SIK3: variants seen among roughly 807,000 people sequenced by gnomAD.
SIK3 encodes serine/threonine-protein kinase SIK3.
SIK3 carries 28 observed loss-of-function variants against 144.2 expected under a neutral mutation model. That is an observed-to-expected ratio of 0.19 (90% CI 0.14 to 0.27). The LOEUF (loss-of-function observed/expected upper bound fraction) is 0.27, where lower values mean the gene tolerates loss of function less well. Among genes scored for constraint, SIK3 ranks in the 10% least tolerant of loss-of-function variants. The probability of loss-of-function intolerance (pLI) is 1.00; values close to 1 mark genes in which losing one functional copy is unlikely to be tolerated. For synonymous variants in SIK3, 686 were observed against 676.3 expected (o/e 1.01, Z -0.22); for missense variants, 1,319 against 1,776.0 (o/e 0.74, Z 4.62).
chr11:116,933,400 A>G (rs1947732447), intron 3 of SIK3, among the ~76,000 whole-genome samples: 1 of 152,092 alleles, frequency 6.6e-6, no homozygotes, highest in Non-Finnish European at 1.5e-5. Context: ...CAGCCCCCCA[A>G]AGTGCTGGGA....
chr11:117,051,583 C>G (rs1056190766), intron 1 of SIK3, among the ~76,000 whole-genome samples: 1 of 152,064 alleles, frequency 6.6e-6, no homozygotes, highest in East Asian at 2.0e-4. Flanking sequence ...GGCTGGAGTG[C>G]AATGGCGCAA....
chr11:116,917,688 G>A (rs1294312210), intron 4 of SIK3, among the ~76,000 whole-genome samples: 2 of 151,668 alleles, frequency 1.3e-5, no homozygotes, highest in Non-Finnish European at 2.9e-5. Context: ...CAGTCTGAGC[G>A]ACAGGAAGGG....
At chr11:116,966,031 A>G (rs990820303) in intron 1 of SIK3, among the ~76,000 whole-genome samples, 2 of 152,036 alleles carry the variant, frequency 1.3e-5, no homozygotes, top group African/African-American at 4.8e-5. Context: ...GATTGGGCAG[A>G]AAAGTATTAG....
At chr11:116,882,675 T>G (rs766462978) in intron 6 of SIK3, among the ~76,000 whole-genome samples, 26 of 152,344 alleles carry the variant, frequency 1.7e-4, no homozygotes, top group Non-Finnish European at 3.1e-4. Context: ...AGAAAGTGCA[T>G]GCTGCTTACA....
intron 1 of SIK3, among the ~76,000 whole-genome samples, chr11:116,978,748 T>C (rs190633293): frequency 6.6e-6 from 1 of 152,256 alleles, no homozygotes; most frequent in African/African-American, 2.4e-5. Context: ...GCTCAAGGGA[T>C]CCTCCTGCCT....
intron 1 of SIK3, among the ~76,000 whole-genome samples, chr11:117,032,211 T>C (rs1952292306): frequency 6.6e-6 from 1 of 152,198 alleles, no homozygotes; most frequent in African/African-American, 2.4e-5. Flanking sequence ...AAAATCTTCC[T>C]GGGCTTTTGA....
intron 1 of SIK3, among the ~76,000 whole-genome samples, chr11:116,998,618 T>A (rs1181590346): frequency 1.3e-5 from 2 of 152,128 alleles, no homozygotes; most frequent in African/African-American, 2.4e-5. Context: ...ACTTCAACCA[T>A]GATCTCATAA....
intron 1 of SIK3, among the ~76,000 whole-genome samples, chr11:117,013,154 C>A (rs1951338480): frequency 1.3e-5 from 2 of 152,304 alleles, no homozygotes; most frequent in Middle Eastern, 3.4e-3. Flanking sequence ...ACTCCTACCA[C>A]TCTTTGGTTT....
chr11:116,916,260 G>T (rs1007528883), intron 4 of SIK3, among the ~76,000 whole-genome samples: 26 of 152,096 alleles, frequency 1.7e-4, no homozygotes, highest in African/African-American at 5.6e-4. Context: ...AAGACTAGAT[G>T]AAATACCCAT....
Position 116,930,167 on chromosome 11 carries a change from A to G in SIK3, c.455-2787T>C, listed in dbSNP as rs1351051424. 2.0e-5 allele frequency among the ~76,000 whole-genome samples: 3 copies of G among 151,736 alleles called. 1 individual carries two copies. The South Asian group carries it at 6.2e-4, about 31-fold the overall frequency. ...TTCAAGTTTTCTTCTCTTTGGGAGC[A>G]CTGTGCTCTTCACATGCAAGCTCCT... is the stretch of plus-strand genomic sequence containing the variant. On this transcript the variant is annotated intron_variant, in intron 3 of 24. Coordinates refer to ENST00000445177, the MANE Select transcript of SIK3 (RefSeq NM_001366686.3).
chr11:116,858,338 GCTGTGCAAA>G lies in SIK3; in HGVS notation c.3118_3126del (p.Phe1040_Gln1042del). On this transcript the variant is annotated inframe_deletion, in exon 21 of 25. Transcript: ENST00000445177. The surrounding 1 kb of genome is among the most constrained non-coding windows in gnomAD (Gnocchi z 5.4). ...CGTTGTTGCTGCTGCCTTTTAATGA[GCTGTGCAAA>G]CTCTGTTGGGGGCAGCCGGATGTCC... The G allele has an allele frequency of 6.2e-7, 1 of 1,613,662 alleles. No homozygotes were observed. The highest frequency in any genetic ancestry group is 8.5e-7 in the Non-Finnish European group (1 of 1,179,718).
intron 13 of SIK3, among the ~76,000 whole-genome samples, chr11:116,872,253 T>A (rs1297258323): frequency 6.6e-6 from 1 of 152,216 alleles, no homozygotes; most frequent in Non-Finnish European, 1.5e-5. Flanking sequence ...GTCCACTGAA[T>A]TTATCAACAA....
At chr11:116,962,049 A>G (rs1353825857) in intron 1 of SIK3, among the ~76,000 whole-genome samples, 3 of 152,226 alleles carry the variant, frequency 2.0e-5, no homozygotes, top group African/African-American at 7.2e-5. Context: ...TTCATAGTGA[A>G]TGAAGCTGAA....
chr11:117,085,141 G>C (rs1051489200), intron 1 of SIK3, among the ~76,000 whole-genome samples: 3 of 150,992 alleles, frequency 2.0e-5, no homozygotes, highest in African/African-American at 4.9e-5. Flanking sequence ...TTAGAGACAG[G>C]GTCTCTGTCA....
intron 1 of SIK3, among the ~76,000 whole-genome samples, chr11:117,061,375 C>T (rs1317184127): frequency 1.3e-5 from 2 of 151,796 alleles, no homozygotes; most frequent in African/African-American, 2.4e-5. Context: ...GCAATATATT[C>T]GAGAGGTTCA....
chr11:117,082,621 A>G (rs970109210), intron 1 of SIK3, among the ~76,000 whole-genome samples: 1 of 152,166 alleles, frequency 6.6e-6, no homozygotes, highest in African/African-American at 2.4e-5. Flanking sequence ...CTGAGAAGAG[A>G]GGTTGAAGAA....
Position 116,873,967 on chromosome 11 carries a change from A to G in SIK3, c.1517T>C (p.Val506Ala), listed in dbSNP as rs756767798. Residue 506 changes from valine (V) to alanine (A), a missense_variant, in exon 12 of 25, where the codon GTG becomes GCG. By Grantham distance (64) the Val-to-Ala change is moderately conservative. Coordinates refer to ENST00000445177, the MANE Select transcript of SIK3 (RefSeq NM_001366686.3). ...AGGCAACAGGTTGTGCATGAAGTTC[A>G]CATTAGGGGCCACCTGCAGGAATGG... is the stretch of plus-strand genomic sequence containing the variant. ...QAPFLQVAPN[V>A]NFMHNLLPMQ... 1.9e-6 allele frequency: 3 copies of G among 1,614,042 alleles called. No individual in the cohort carries two copies. The South Asian group carries it at 3.3e-5, about 18-fold the overall frequency.
At chr11:116,930,140 G>C (rs1346627541) in intron 3 of SIK3, among the ~76,000 whole-genome samples, 1 of 151,702 alleles carries the variant, frequency 6.6e-6, no homozygotes, top group Non-Finnish European at 1.5e-5. Context: ...TTGTGTTTAG[G>C]GTTCAAGTTT....
At chr11:116,932,763 T>A (rs971644830) in intron 3 of SIK3, among the ~76,000 whole-genome samples, 8 of 152,310 alleles carry the variant, frequency 5.3e-5, no homozygotes, top group East Asian at 3.9e-4. Flanking sequence ...AACAGAATCA[T>A]ACAGTCGGCG....
Sources: gnomAD v4.1 joint callset for allele counts (sites outside exome capture counted in the v4.1 genomes callset) on GRCh38, gnomAD v4.1.1 for gene constraint, Gnocchi (gnomAD v3.1) non-coding constraint, MANE v1.5 for transcripts, NCBI Gene and HGNC (gene_info 2026-07-23, HGNC 2026-07-21) for gene names.